IREB2: variants seen among roughly 807,000 people sequenced by gnomAD.
IREB2 encodes iron responsive element binding protein 2.
In IREB2, 39 loss-of-function variants were observed where a neutral mutation model predicts 118.8. The ratio of observed to expected loss-of-function variants is 0.33; its 90% CI spans 0.25 to 0.43. The LOEUF (loss-of-function observed/expected upper bound fraction) is 0.43. IREB2 is among the 20% of genes least tolerant of loss of function. The pLI, the probability that IREB2 is intolerant of heterozygous loss-of-function variation, is 1.00. For synonymous variants in IREB2, 372 were observed against 392.2 expected (o/e 0.95, Z 0.61); for missense variants, 900 against 1,147.3 (o/e 0.78, Z 3.11).
In IREB2 at chr15:78,501,298, A is replaced by G. The variant is rs1429657956; in HGVS notation, c.*3155A>G. The G allele has an allele frequency of 6.5e-6, 1 of 152,760 alleles. No homozygotes were observed. Among genetic ancestry groups the G allele is most frequent in the African/African-American group, 2.4e-5 (1 of 41,570 alleles). 9.5% of individuals were successfully genotyped at this position (152,760 alleles called of 1,614,324 possible). ...AAGTAATAGACAAAAATCATTGTCT[A>G]TTATTTAAAGCCAACAAAACAGTGT... On this transcript the variant is annotated 3_prime_UTR_variant, in exon 22 of 22. Coordinates refer to ENST00000258886, the MANE Select transcript of IREB2 (RefSeq NM_004136.4).
intron 2 of IREB2, among the ~76,000 whole-genome samples, chr15:78,451,606 A>G (rs1422259679): frequency 2.6e-5 from 4 of 152,330 alleles, no homozygotes; most frequent in African/African-American, 9.6e-5. Context: ...CAGGTTGAGT[A>G]TCCCTAATCT....
At chr15:78,468,133 C>T (rs1043102039) in intron 5 of IREB2, among the ~76,000 whole-genome samples, 7 of 152,188 alleles carry the variant, frequency 4.6e-5, no homozygotes, top group Admixed American at 1.3e-4. Flanking sequence ...GGATTATAAG[C>T]ATGAGCTACT....
chr15:78,492,059 A>G (rs1218819717), intron 18 of IREB2, among the ~76,000 whole-genome samples: 3 of 152,228 alleles, frequency 2.0e-5, no homozygotes, highest in Non-Finnish European at 4.4e-5. Flanking sequence ...TCTAAAAATA[A>G]AGACACTCAA....
At chr15:78,457,180 C>T (rs1309840756) in intron 2 of IREB2, among the ~76,000 whole-genome samples, 1 of 152,032 alleles carries the variant, frequency 6.6e-6, no homozygotes. Flanking sequence ...CTGAACTCTC[C>T]AAAAGAACTA....
intron 5 of IREB2, among the ~76,000 whole-genome samples, 195 bp downstream of exon 5, chr15:78,466,684 T>C (rs2051289045): frequency 6.6e-6 from 1 of 152,204 alleles, no homozygotes; most frequent in South Asian, 2.1e-4. Context: ...AGTACCATTC[T>C]CTCTTACCAT....
intron 8 of IREB2, 72 bp from the exon 9 acceptor site, chr15:78,476,116 A>T: frequency 1.7e-6 from 2 of 1,172,632 alleles, no homozygotes; most frequent in Non-Finnish European, 1.2e-6. Flanking sequence ...ATTTTATTTT[A>T]TAGTTTTCAG....
chr15:78,461,830 T>G (rs2051202100), intron 2 of IREB2, among the ~76,000 whole-genome samples: 1 of 152,218 alleles, frequency 6.6e-6, no homozygotes, highest in African/African-American at 2.4e-5. Flanking sequence ...GCTTGCTGCT[T>G]GTTACACCAG....
At chr15:78,488,031 C>A in intron 14 of IREB2, 149 bp from the exon 15 acceptor site, 1 of 712,174 alleles carries the variant, frequency 1.4e-6, no homozygotes, top group Non-Finnish European at 2.2e-6. Flanking sequence ...AGTTTATTTG[C>A]AAGATGCATA....
intron 2 of IREB2, among the ~76,000 whole-genome samples, chr15:78,448,121 A>G (rs901391565): frequency 3.3e-5 from 5 of 152,118 alleles, no homozygotes; most frequent in African/African-American, 1.2e-4. Flanking sequence ...GACTCTCTCA[A>G]TGGCAATGTA....
rs2051254730 is a variant in IREB2, at chr15:78,464,849, A to C, written c.273-402A>C. On this transcript the variant is annotated intron_variant, in intron 3 of 21. Transcript: ENST00000258886. ...AAATGCTTGTTGTATAGTTGGCTGG[A>C]TAGATGGGTGGATGAATGTAAAATG... Among the ~76,000 whole-genome samples, 4 of 152,146 alleles carry C rather than the reference A, an allele frequency of 2.6e-5. No homozygotes were observed. In the East Asian group the frequency reaches 7.7e-4, roughly 29 times the overall value.
chr15:78,448,000 A>G (rs2050960125), intron 2 of IREB2, among the ~76,000 whole-genome samples: 1 of 152,250 alleles, frequency 6.6e-6, no homozygotes, highest in Non-Finnish European at 1.5e-5. Flanking sequence ...CAATTGGTAT[A>G]GAAGGAACTT....
At chr15:78,438,165 C>T, upstream of IREB2, 3 of 582,184 alleles carry the variant, frequency 5.2e-6, no homozygotes, top group Non-Finnish European at 9.5e-6. Flanking sequence ...GGCGACAAAT[C>T]CCGCGAGCGC....
chr15:78,457,210 A>T (rs1236453753), intron 2 of IREB2, among the ~76,000 whole-genome samples: 1 of 152,122 alleles, frequency 6.6e-6, no homozygotes, highest in Non-Finnish European at 1.5e-5. Flanking sequence ...TCCTGGTATA[A>T]TCATGTAATC....
chr15:78,438,434 G>A (rs1215165019), intron 1 of IREB2, 78 bp downstream of exon 1: 1 of 1,506,582 alleles, frequency 6.6e-7, no homozygotes, highest in Non-Finnish European at 9.1e-7. Flanking sequence ...TGCTTTTCTC[G>A]CCTGGAGTCG....
chr15:78,457,306 T>C (rs1016649052), intron 2 of IREB2, among the ~76,000 whole-genome samples: 1 of 152,174 alleles, frequency 6.6e-6, no homozygotes, highest in Non-Finnish European at 1.5e-5. Context: ...CATTGTAGCT[T>C]GCACAGCCGT....
At position 78,490,432 on chromosome 15, in the gene IREB2, A is replaced by C. The variant is rs202227588; in HGVS notation, c.2087A>C (p.Lys696Thr). The change falls in exon 17 of 22, where the codon AAA becomes ACA. Residue 696 changes from lysine to threonine, a missense_variant. By Grantham distance (78) the Lys-to-Thr change is moderately conservative. Coordinates refer to ENST00000258886, the MANE Select transcript of IREB2 (RefSeq NM_004136.4). ...ALKDKIEMGNKRWNSLEAPDS... is the reference protein window; with the variant it reads ...ALKDKIEMGNTRWNSLEAPDS... ...AAACTGTATTCACAGATGGGGAATAAACGGTGGAATTCCTTAGAAGCACCG... is the reference window on the plus strand; with the variant it reads ...AAACTGTATTCACAGATGGGGAATACACGGTGGAATTCCTTAGAAGCACCG... 6.3e-7 allele frequency: 1 copy of C among 1,599,988 alleles called. No individual in the cohort carries two copies.
chr15:78,460,168 C>T (rs1340596714), intron 2 of IREB2, among the ~76,000 whole-genome samples: 1 of 152,162 alleles, frequency 6.6e-6, no homozygotes, highest in Non-Finnish European at 1.5e-5. Flanking sequence ...ATGATTTTAG[C>T]ACCCATTTGT....
intron 10 of IREB2, among the ~76,000 whole-genome samples, chr15:78,482,390 T>A (rs2051589436): frequency 6.6e-6 from 1 of 152,002 alleles, no homozygotes; most frequent in Non-Finnish European, 1.5e-5. Context: ...CCAGAAGAAA[T>A]AAATAGGAAT....
At chr15:78,495,076 G>C (rs901579261) in intron 20 of IREB2, among the ~76,000 whole-genome samples, 6 of 152,088 alleles carry the variant, frequency 3.9e-5, no homozygotes, top group South Asian at 2.1e-4. Flanking sequence ...TGCTGGGGGG[G>C]AATAGTCATG....
Sources: allele counts gnomAD v4.1 joint callset (sites outside exome capture counted in the v4.1 genomes callset), GRCh38; gene constraint gnomAD v4.1.1; transcripts MANE v1.5; gene names NCBI Gene and HGNC (gene_info 2026-07-23, HGNC 2026-07-21).